The following TMPRSS15 variants were observed in gnomAD, a reference collection of about 807,000 sequenced individuals.
TMPRSS15 encodes transmembrane serine protease 15.
Under a neutral mutation model 125.3 loss-of-function variants are expected in TMPRSS15, and 128 were observed. The observed-to-expected ratio is 1.02, with a 90% CI of 0.89 to 1.18. The LOEUF (loss-of-function observed/expected upper bound fraction) is 1.18, where lower values mean the gene tolerates loss of function less well. Among genes scored for constraint, TMPRSS15 ranks in the 50% most tolerant of loss-of-function variants. The pLI is 0.00. For synonymous variants in TMPRSS15, 446 were observed against 423.2 expected, an observed-to-expected ratio of 1.05 and a Z score of -0.66; for missense variants, 1,283 against 1,212.7, an observed-to-expected ratio of 1.06 and a Z score of -0.86.
chr21:18,431,463 C>T (rs2076216330), intron 1 of TMPRSS15, among the ~76,000 whole-genome samples: 1 of 151,946 alleles, frequency 6.6e-6, no homozygotes, highest in Non-Finnish European at 1.5e-5. Context: ...GAATTTCTCC[C>T]CTGTTTCTTT....
chr21:18,431,196 A>C (rs992083210), intron 1 of TMPRSS15, among the ~76,000 whole-genome samples: 3 of 152,206 alleles, frequency 2.0e-5, no homozygotes, highest in African/African-American at 7.2e-5. Flanking sequence ...TGCTCCATCA[A>C]GGCTACAAAT....
Position 18,269,535 on chromosome 21 carries a change from A to G in TMPRSS15, c.*434T>C, listed in dbSNP as rs1006500322. ...TGCTAATAGCAGCAAACTAAACTGG[A>G]ACTAGAAAATTTATGGCAGTTTATT... On this transcript the variant is annotated 3_prime_UTR_variant, in exon 25 of 25. Transcript: ENST00000284885. 8 of 161,822 alleles carry G rather than the reference A, an allele frequency of 4.9e-5. No homozygotes were observed. Among genetic ancestry groups the G allele is most frequent in the Non-Finnish European group, 1.3e-5 (1 of 74,180 alleles). The allele number at this position is 161,822 out of a possible 1,614,324, so 10.0% of individuals were successfully genotyped here.
At chr21:18,338,763 T>C (rs2075418818) in intron 13 of TMPRSS15, among the ~76,000 whole-genome samples, 1 of 151,930 alleles carries the variant, frequency 6.6e-6, no homozygotes, top group East Asian at 1.9e-4. Context: ...GCTTAGTCTG[T>C]CTCTAATAGT....
At chr21:18,478,229 T>C (rs1395304854) in intron 1 of TMPRSS15, among the ~76,000 whole-genome samples, 1 of 151,902 alleles carries the variant, frequency 6.6e-6, no homozygotes, top group Non-Finnish European at 1.5e-5. Context: ...TCCTTTTTAG[T>C]ACTTAAATCT....
intron 1 of TMPRSS15, among the ~76,000 whole-genome samples, chr21:18,466,237 C>T (rs1978657817): frequency 1.3e-5 from 2 of 152,108 alleles, no homozygotes; most frequent in African/African-American, 4.8e-5. Context: ...GGATCCCTTC[C>T]TTACACCTTA....
At chr21:18,318,011 A>T (rs1327963394) in intron 16 of TMPRSS15, among the ~76,000 whole-genome samples, 4 of 152,170 alleles carry the variant, frequency 2.6e-5, no homozygotes, top group Admixed American at 6.5e-5. Context: ...TACCAGGATA[A>T]ACTGAAGTAT....
chr21:18,383,895 T>C (rs1372287661), intron 3 of TMPRSS15, 117 bp from the exon 4 acceptor site: 9 of 1,213,884 alleles, frequency 7.4e-6, no homozygotes, highest in Non-Finnish European at 1.1e-5. Context: ...TAATTCTCAT[T>C]ATACCTGTGT....
chr21:18,305,377 ACGGGGTTTCAC>A (rs1169660305), intron 18 of TMPRSS15, among the ~76,000 whole-genome samples: 10 of 151,584 alleles, frequency 6.6e-5, no homozygotes, highest in African/African-American at 2.4e-4. Flanking sequence ...TTTAGTAGAG[ACGGGGTTTCAC>A]CGGGTTAGCC....
intron 3 of TMPRSS15, among the ~76,000 whole-genome samples, chr21:18,385,132 T>C (rs193143755): frequency 1.3e-3 from 205 of 152,328 alleles, no homozygotes; most frequent in African/African-American, 4.1e-3. Context: ...AAATAAATTA[T>C]ATAAAATGAT....
chr21:18,285,048 T>C (rs1171434131), intron 21 of TMPRSS15, among the ~76,000 whole-genome samples: 1 of 151,652 alleles, frequency 6.6e-6, no homozygotes, highest in Non-Finnish European at 1.5e-5. Context: ...TTTTGCTGCA[T>C]TTCACCATCT....
intron 1 of TMPRSS15, among the ~76,000 whole-genome samples, chr21:18,415,349 T>C (rs1438374650): frequency 6.6e-6 from 1 of 152,172 alleles, no homozygotes; most frequent in East Asian, 1.9e-4. Context: ...AGGAGCTTTT[T>C]AGTTTGACAT....
intron 6 of TMPRSS15, among the ~76,000 whole-genome samples, chr21:18,365,574 T>TTCTCTC (rs10655380): frequency 1.5e-4 from 15 of 100,268 alleles, no homozygotes; most frequent in African/African-American, 5.5e-4. Context: ...TTCTCTCTCT[T>TTCTCTC]TCTCTCTTTT....
chr21:18,423,561 A>G (rs1273214176), intron 1 of TMPRSS15, among the ~76,000 whole-genome samples: 10 of 149,512 alleles, frequency 6.7e-5, no homozygotes, highest in Non-Finnish European at 8.9e-5. Context: ...GGCGCCCGCC[A>G]CCACACCCGG....
chr21:18,333,620 G>C (rs9980774), intron 13 of TMPRSS15, among the ~76,000 whole-genome samples: 92,180 of 151,786 alleles, frequency 0.61, 28,030 homozygotes, highest in Middle Eastern at 0.67. Context: ...GTAAGGAAAG[G>C]GAGACAAAAT....
chr21:18,445,494 T>A (rs1050787921), intron 1 of TMPRSS15, among the ~76,000 whole-genome samples: 1 of 152,132 alleles, frequency 6.6e-6, no homozygotes, highest in Non-Finnish European at 1.5e-5. Context: ...ACTACATTTT[T>A]AAAAATCCAT....
chr21:18,443,079 T>A (rs1011440168), intron 1 of TMPRSS15, among the ~76,000 whole-genome samples: 1 of 152,178 alleles, frequency 6.6e-6, no homozygotes, highest in East Asian at 1.9e-4. Flanking sequence ...TTTGCATGTG[T>A]ATATTTACAA....
At chr21:18,485,349 T>G (rs1443905174) in intron 1 of TMPRSS15, among the ~76,000 whole-genome samples, 2 of 151,968 alleles carry the variant, frequency 1.3e-5, no homozygotes, top group African/African-American at 2.4e-5. Flanking sequence ...CTCAGTTCAA[T>G]GTAGAAAAGA....
intron 1 of TMPRSS15, among the ~76,000 whole-genome samples, chr21:18,476,594 T>A (rs1978884472): frequency 6.6e-6 from 1 of 152,180 alleles, no homozygotes; most frequent in Non-Finnish European, 1.5e-5. Flanking sequence ...TCTCTGTGTT[T>A]AAGAAACTCT....
chr21:18,358,253 A>G (rs2075644899), intron 8 of TMPRSS15, among the ~76,000 whole-genome samples: 1 of 151,784 alleles, frequency 6.6e-6, no homozygotes, highest in Admixed American at 6.6e-5. Context: ...ACCTCTACCA[A>G]TTTAGATTTT....
Sources: allele counts gnomAD v4.1 joint callset (sites outside exome capture counted in the v4.1 genomes callset), GRCh38; gene constraint gnomAD v4.1.1; transcripts MANE v1.5; gene names NCBI Gene and HGNC (gene_info 2026-07-23, HGNC 2026-07-21).